Variants in UBASH3B observed in about 807,000 individuals in gnomAD.
UBASH3B encodes the protein ubiquitin-associated and SH3 domain-containing protein B.
UBASH3B carries 37 observed loss-of-function variants against 83.4 expected under a neutral mutation model. That is an observed-to-expected ratio of 0.44 (90% CI 0.34 to 0.58). The LOEUF (loss-of-function observed/expected upper bound fraction) is 0.58. UBASH3B is among the 20% of genes least tolerant of loss of function. The probability of loss-of-function intolerance (pLI) is 0.01; values close to 1 mark genes in which losing one functional copy is unlikely to be tolerated. For synonymous variants in UBASH3B, 304 were observed against 318.3 expected, an observed-to-expected ratio of 0.96 and a Z score of 0.48; for missense variants, 657 against 827.2, an observed-to-expected ratio of 0.79 and a Z score of 2.52.
At position 122,789,261 on chromosome 11, in the gene UBASH3B, G is replaced by A. The variant is rs756613278; in HGVS notation, c.933G>A (p.Glu311=). ...CCGGCTGCTCTGGACTCCTGCCTGA[G>A]AATTACATTACCAAGGCTGATGAAT... ...LTTGCSGLLP[E]NYITKADECS... Residue 311 remains glutamate, a synonymous_variant, in exon 6 of 14, where the codon GAG becomes GAA. Coordinates refer to ENST00000284273, the MANE Select transcript of UBASH3B (RefSeq NM_032873.5). The A allele has an allele frequency of 1.2e-6, 2 of 1,614,236 alleles. No homozygotes were observed. Among genetic ancestry groups the A allele is most frequent in the Non-Finnish European group, 8.5e-7 (1 of 1,180,044 alleles).
At chr11:122,661,888 C>A (rs1246976074) in intron 1 of UBASH3B, among the ~76,000 whole-genome samples, 1 of 149,164 alleles carries the variant, frequency 6.7e-6, no homozygotes, top group East Asian at 2.0e-4. Flanking sequence ...AAAAAAAATA[C>A]CTTGATATGC....
At chr11:122,656,552 C>A (rs1863366873) in intron 1 of UBASH3B, among the ~76,000 whole-genome samples, 1 of 152,180 alleles carries the variant, frequency 6.6e-6, no homozygotes, top group African/African-American at 2.4e-5. Context: ...AGGTCTCCAG[C>A]GCCGAGCGCC....
At chr11:122,698,934 T>A (rs554472899) in intron 1 of UBASH3B, among the ~76,000 whole-genome samples, 2 of 152,292 alleles carry the variant, frequency 1.3e-5, no homozygotes, top group African/African-American at 4.8e-5. Flanking sequence ...CGCTGCAACA[T>A]CCACCTCCCA....
In UBASH3B at chr11:122,812,996, A is replaced by T. The variant is rs1021597829; in HGVS notation, c.*3110A>T. The stretch of plus-strand genomic sequence containing the variant: ...TGGCTGAAAGAGGGGCGTATTTTTC[A>T]CTCTGTAGTGAAAGGCTTGGAGGAG... On this transcript the variant is annotated 3_prime_UTR_variant, in exon 14 of 14. Coordinates refer to ENST00000284273, the MANE Select transcript of UBASH3B (RefSeq NM_032873.5). The T allele has an allele frequency of 3.9e-5, 6 of 152,028 alleles. No individual in the cohort carries two copies. The highest frequency in any genetic ancestry group is 8.8e-5 in the Non-Finnish European group (6 of 67,826). The allele number at this position is 152,028 out of a possible 1,614,324, so 9.4% of individuals were successfully genotyped here. A position where few individuals can be genotyped will look rare whatever the true frequency, so the allele number is the denominator to read the frequency against.
intron 6 of UBASH3B, among the ~76,000 whole-genome samples, chr11:122,792,160 G>A (rs918805147): frequency 3.3e-5 from 5 of 152,012 alleles, no homozygotes; most frequent in South Asian, 4.2e-4. Flanking sequence ...CATGGGAGAC[G>A]AAGGAGGGAG....
chr11:122,693,733 C>T (rs780883271), intron 1 of UBASH3B, among the ~76,000 whole-genome samples: 1 of 152,030 alleles, frequency 6.6e-6, no homozygotes, highest in East Asian at 1.9e-4. Context: ...ATTAGCCAGG[C>T]GTGGTGGCAC....
At chr11:122,711,124 A>G (rs1864185321) in intron 1 of UBASH3B, among the ~76,000 whole-genome samples, 1 of 152,162 alleles carries the variant, frequency 6.6e-6, no homozygotes, top group Non-Finnish European at 1.5e-5. Context: ...TTCAGTGTCC[A>G]GGCAGAATCT....
chr11:122,759,235 G>A lies in UBASH3B; in HGVS notation c.162-16984G>A, dbSNP rs1383735597. Among the ~76,000 whole-genome samples the A allele has an allele frequency of 3.3e-5, 5 of 152,184 alleles. No homozygotes were observed. The highest frequency in any genetic ancestry group is 3.3e-4 in the Admixed American group (5 of 15,280). Reference sequence around the variant, plus strand: ...CTACAAGCCACTCTCAGGTCCTAACGAGGCTGCCTGCAGTTCCTTGCCACG... The same window carrying A: ...CTACAAGCCACTCTCAGGTCCTAACAAGGCTGCCTGCAGTTCCTTGCCACG... On this transcript the variant is annotated intron_variant, in intron 1 of 13. Coordinates refer to ENST00000284273, the MANE Select transcript of UBASH3B (RefSeq NM_032873.5). The surrounding 1 kb of genome is among the most constrained non-coding windows in gnomAD (Gnocchi z 4.1).
At chr11:122,699,448 C>T (rs1864005453) in intron 1 of UBASH3B, among the ~76,000 whole-genome samples, 3 of 152,156 alleles carry the variant, frequency 2.0e-5, no homozygotes, top group Admixed American at 2.0e-4. Flanking sequence ...TATTATCCAC[C>T]TTCCAAAATT....
chr11:122,699,003 C>T (rs1161738552), intron 1 of UBASH3B, among the ~76,000 whole-genome samples: 1 of 152,120 alleles, frequency 6.6e-6, no homozygotes, highest in African/African-American at 2.4e-5. Context: ...GTGCCCAGCA[C>T]CACACCCAGC....
chr11:122,708,440 T>A (rs747384902), intron 1 of UBASH3B, among the ~76,000 whole-genome samples: 1 of 151,864 alleles, frequency 6.6e-6, no homozygotes, highest in African/African-American at 2.4e-5. Context: ...TACAGGCATG[T>A]ACCACCACAC....
At position 122,758,693 on chromosome 11, in the gene UBASH3B, G is replaced by A. The variant is rs1056470888; in HGVS notation, c.162-17526G>A. 1.3e-5 allele frequency among the ~76,000 whole-genome samples: 2 copies of A among 152,188 alleles called. No homozygotes were observed. The highest frequency in any genetic ancestry group is 2.9e-5 in the Non-Finnish European group (2 of 68,022). On this transcript the variant is annotated intron_variant, in intron 1 of 13. Transcript: ENST00000284273. The surrounding 1 kb of genome is among the most constrained non-coding windows in gnomAD (Gnocchi z 4.2). ...TAAGTAGATGCACCTGCCACTCCAC[G>A]CCACTCTACTCCCTCCCTTAAGTTG...
intron 1 of UBASH3B, among the ~76,000 whole-genome samples, chr11:122,704,757 G>A (rs898403744): frequency 6.6e-6 from 1 of 151,964 alleles, no homozygotes; most frequent in East Asian, 1.9e-4. Context: ...TGATCTGCCC[G>A]CCTCGGCCTC....
chr11:122,783,633 C>G (rs1389107512), intron 5 of UBASH3B, among the ~76,000 whole-genome samples: 1 of 151,792 alleles, frequency 6.6e-6, no homozygotes, highest in African/African-American at 2.4e-5. Flanking sequence ...AAACAAAAAA[C>G]AAAAACACTT....
chr11:122,805,636 C>A lies in UBASH3B; in HGVS notation c.1596-774C>A, dbSNP rs557370347. Among the ~76,000 whole-genome samples, 7 of 152,206 alleles carry A rather than the reference C, an allele frequency of 4.6e-5. No homozygotes were observed. In the South Asian group the frequency reaches 1.5e-3, roughly 32 times the overall value. On this transcript the variant is annotated intron_variant, in intron 11 of 13. Coordinates refer to ENST00000284273, the MANE Select transcript of UBASH3B (RefSeq NM_032873.5). The stretch of plus-strand genomic sequence containing the variant: ...ATCTTGTGAGACTTATTCACTATCA[C>A]GAGAACAGCACAGGAAAGACCTGCC...
At position 122,691,230 on chromosome 11, in the gene UBASH3B, A is replaced by G. The variant is rs139335471; in HGVS notation, c.161+35020A>G. On this transcript the variant is annotated intron_variant, in intron 1 of 13. Coordinates refer to ENST00000284273, the MANE Select transcript of UBASH3B (RefSeq NM_032873.5). Reference sequence around the variant, plus strand: ...CCTTTGCCGGGCCTTTCCTGCAGAGAATTCTGGTAACATCATCAAGAAGCA... The same window carrying G: ...CCTTTGCCGGGCCTTTCCTGCAGAGGATTCTGGTAACATCATCAAGAAGCA... Among the ~76,000 whole-genome samples the G allele has an allele frequency of 1.9e-3, 291 of 152,260 alleles. 4 individuals are homozygous for G. The Middle Eastern group carries it at 0.034, about 18-fold the overall frequency.
chr11:122,720,788 A>G (rs1372116152), intron 1 of UBASH3B, among the ~76,000 whole-genome samples: 1 of 152,104 alleles, frequency 6.6e-6, no homozygotes. Flanking sequence ...CAAAATAGGA[A>G]TCCCTTCCCA....
intron 1 of UBASH3B, among the ~76,000 whole-genome samples, chr11:122,665,031 C>G (rs1041820044): frequency 6.6e-6 from 1 of 152,134 alleles, no homozygotes; most frequent in African/African-American, 2.4e-5. Context: ...GCCTCAGCCT[C>G]CCAAGTAGCT....
At position 122,810,115 on chromosome 11, in the gene UBASH3B, G is replaced by T; in HGVS notation, c.*229G>T. 2.1e-6 allele frequency: 1 copy of T among 485,828 alleles called. No homozygotes were observed. The highest frequency in any genetic ancestry group is 3.6e-5 in the East Asian group (1 of 27,498). 30.1% of individuals were successfully genotyped at this position (485,828 alleles called of 1,614,324 possible). A position where few individuals can be genotyped will look rare whatever the true frequency, so the allele number is the denominator to read the frequency against. ...ACTCTTGCCTAGCTCACAAGGCTTT[G>T]GAGAATTGTCTTCCTAAATCGGGGC... On this transcript the variant is annotated 3_prime_UTR_variant, in exon 14 of 14. Coordinates refer to ENST00000284273, the MANE Select transcript of UBASH3B (RefSeq NM_032873.5).
Sources: gnomAD v4.1 joint callset for allele counts (sites outside exome capture counted in the v4.1 genomes callset) on GRCh38, gnomAD v4.1.1 for gene constraint, Gnocchi (gnomAD v3.1) non-coding constraint, MANE v1.5 for transcripts, NCBI Gene and HGNC (gene_info 2026-07-23, HGNC 2026-07-21) for gene names.